FGGY: variants seen among roughly 807,000 people sequenced by gnomAD.
FGGY encodes the protein FGGY carbohydrate kinase domain containing, also known as FGGY carbohydrate kinase domain-containing protein.
Under a neutral mutation model 71.3 loss-of-function variants are expected in FGGY, and 72 were observed. The observed-to-expected ratio is 1.01, with a 90% CI of 0.84 to 1.23. The LOEUF (loss-of-function observed/expected upper bound fraction) is 1.23. FGGY is among the 50% of genes most tolerant of loss of function. The pLI is 0.00. For synonymous variants in FGGY, 251 were observed against 250.3 expected (o/e 1.00, Z -0.02); for missense variants, 668 against 682.3 (o/e 0.98, Z 0.23).
chr1:59,563,913 C>T lies in FGGY; in HGVS notation c.903+9686C>T, dbSNP rs562319415. Among the ~76,000 whole-genome samples, 8 of 152,288 alleles carry T rather than the reference C, an allele frequency of 5.3e-5. No individual in the cohort carries two copies. In the South Asian group the frequency reaches 1.5e-3, roughly 28 times the overall value. The stretch of plus-strand genomic sequence containing the variant: ...ACATCTACAACCATCTGATCATTGA[C>T]AAACCTGACAAAAACAAGGAATGGG... On this transcript the variant is annotated intron_variant, in intron 8 of 15. Transcript: ENST00000303721.
chr1:59,520,123 C>T (rs1336569370), intron 7 of FGGY, among the ~76,000 whole-genome samples: 2 of 152,180 alleles, frequency 1.3e-5, no homozygotes, highest in African/African-American at 2.4e-5. Flanking sequence ...GGTGAGAAAC[C>T]CTATTCTCTC....
intron 4 of FGGY, among the ~76,000 whole-genome samples, chr1:59,369,424 G>A (rs1156663067): frequency 6.6e-6 from 1 of 152,216 alleles, no homozygotes; most frequent in African/African-American, 2.4e-5. Flanking sequence ...TCAACTGGGT[G>A]GAGCCCACCA....
At chr1:59,720,207 A>G (rs866334192) in intron 14 of FGGY, among the ~76,000 whole-genome samples, 26 of 152,208 alleles carry the variant, frequency 1.7e-4, no homozygotes, top group Admixed American at 2.6e-4. Context: ...TAAGGGGCTC[A>G]TAGTGAACTC....
Position 59,713,360 on chromosome 1 carries a change from C to T in FGGY, c.1512+39227C>T, listed in dbSNP as rs982012013. Among the ~76,000 whole-genome samples the T allele has an allele frequency of 3.1e-4, 47 of 152,270 alleles. 1 individual carries two copies. The highest frequency in any genetic ancestry group is 2.7e-3 in the Admixed American group (42 of 15,288). ...TCTGCCTGTTACCCAGTTCCAAAGCCGCTTCCACATTTTTGGGTATCTTTT... is the reference window on the plus strand; with the variant it reads ...TCTGCCTGTTACCCAGTTCCAAAGCTGCTTCCACATTTTTGGGTATCTTTT... On this transcript the variant is annotated intron_variant, in intron 14 of 15. Transcript: ENST00000303721.
At chr1:59,646,244 C>T (rs891443445) in intron 11 of FGGY, among the ~76,000 whole-genome samples, 1 of 152,170 alleles carries the variant, frequency 6.6e-6, no homozygotes, top group Non-Finnish European at 1.5e-5. Context: ...TATTTATAAG[C>T]TTTGGAAACA....
chr1:59,745,528 G>A (rs905144192), intron 14 of FGGY, among the ~76,000 whole-genome samples: 14 of 152,194 alleles, frequency 9.2e-5, no homozygotes, highest in African/African-American at 3.1e-4. Context: ...AGCAGGCAGT[G>A]CAAATTTCAA....
intron 8 of FGGY, among the ~76,000 whole-genome samples, chr1:59,597,339 C>T (rs902712528): frequency 1.3e-5 from 2 of 152,146 alleles, no homozygotes; most frequent in African/African-American, 2.4e-5. Flanking sequence ...ATACAATATG[C>T]GGTAAACAGG....
intron 1 of FGGY, among the ~76,000 whole-genome samples, chr1:59,319,658 T>G (rs1193244965): frequency 6.6e-6 from 1 of 152,172 alleles, no homozygotes; most frequent in Non-Finnish European, 1.5e-5. Context: ...TGGGGCAGCC[T>G]TTAGCAGCTG....
At chr1:59,729,693 G>T (rs530512284) in intron 14 of FGGY, among the ~76,000 whole-genome samples, 1 of 152,128 alleles carries the variant, frequency 6.6e-6, no homozygotes, top group Non-Finnish European at 1.5e-5. Flanking sequence ...GGGTCATGTC[G>T]ATGTGGTTTT....
chr1:59,550,584 T>C (rs2095594212), intron 7 of FGGY, among the ~76,000 whole-genome samples: 1 of 152,154 alleles, frequency 6.6e-6, no homozygotes, highest in Non-Finnish European at 1.5e-5. Flanking sequence ...ACTGTGTATA[T>C]ACTGAGAATG....
intron 7 of FGGY, among the ~76,000 whole-genome samples, chr1:59,537,118 CTCCTT>C (rs2095339004): frequency 1.3e-5 from 2 of 150,858 alleles, no homozygotes; most frequent in Admixed American, 1.3e-4. Flanking sequence ...AGCCCAAAAT[CTCCTT>C]AAGCTGATAA....
chr1:59,628,916 A>G (rs2096883266), intron 10 of FGGY, among the ~76,000 whole-genome samples: 1 of 152,182 alleles, frequency 6.6e-6, no homozygotes, highest in South Asian at 2.1e-4. Context: ...AATAGTAAAC[A>G]TTTCATAAGG....
Position 59,355,231 on chromosome 1 carries a change from T to A in FGGY, c.465+8833T>A, listed in dbSNP as rs188136382. Among the ~76,000 whole-genome samples, 21 of 152,288 alleles carry A rather than the reference T, an allele frequency of 1.4e-4. No homozygotes were observed. The East Asian group carries it at 4.0e-3, about 29-fold the overall frequency. On this transcript the variant is annotated intron_variant, in intron 4 of 15. Coordinates refer to ENST00000303721, the MANE Select transcript of FGGY (RefSeq NM_018291.5). Reference sequence around the variant, plus strand: ...CAAACTTCATACTGTTTTTTTTTTATTATTATACTTTAAGTTTTAGGGTAC... The same window carrying A: ...CAAACTTCATACTGTTTTTTTTTTAATATTATACTTTAAGTTTTAGGGTAC...
At chr1:59,756,617 C>T (rs1194364389) in intron 14 of FGGY, among the ~76,000 whole-genome samples, 2 of 152,110 alleles carry the variant, frequency 1.3e-5, no homozygotes, top group African/African-American at 2.4e-5. Context: ...ATGCTTGGCA[C>T]GTGAAAGGGA....
At chr1:59,469,319 C>T (rs1002457547) in intron 6 of FGGY, among the ~76,000 whole-genome samples, 6 of 152,100 alleles carry the variant, frequency 3.9e-5, no homozygotes, top group African/African-American at 1.2e-4. Flanking sequence ...CCAAGGGTGC[C>T]GATAACTTCT....
At chr1:59,340,678 G>T (rs1264314107) in intron 3 of FGGY, among the ~76,000 whole-genome samples, 1 of 152,122 alleles carries the variant, frequency 6.6e-6, no homozygotes, top group South Asian at 2.1e-4. Flanking sequence ...AGCAGATAAG[G>T]TTGTCCCTTT....
chr1:59,626,307 C>G, intron 10 of FGGY: 1 of 376,646 alleles, frequency 2.7e-6, no homozygotes, highest in Admixed American at 4.4e-5. Context: ...GAAGAAGGAC[C>G]ATGGATTCTG....
rs1200247633 is a variant in FGGY, at chr1:59,409,594, TTTTTTATATATATA to T, written c.554+30759_554+30772del. 6.1e-5 allele frequency among the ~76,000 whole-genome samples: 8 copies of T among 132,162 alleles called. No individual in the cohort carries two copies. The South Asian group carries it at 8.8e-4, about 15-fold the overall frequency. 86.7% of individuals were successfully genotyped at this position (132,162 alleles called of 152,430 possible). A position where few individuals can be genotyped will look rare whatever the true frequency, so the allele number is the denominator to read the frequency against. Reference sequence around the variant, plus strand: ...TTATTGCAAGCCTGTGAAGGAAGAGTTTTTTATATATATATATATATATATATATAAACAGACAA... The same window carrying T: ...TTATTGCAAGCCTGTGAAGGAAGAGTTATATATATATATATAAACAGACAA... On this transcript the variant is annotated intron_variant, in intron 5 of 15. Coordinates refer to ENST00000303721, the MANE Select transcript of FGGY (RefSeq NM_018291.5).
intron 6 of FGGY, among the ~76,000 whole-genome samples, chr1:59,472,383 C>G (rs2092998807): frequency 6.6e-6 from 1 of 152,204 alleles, no homozygotes; most frequent in African/African-American, 2.4e-5. Context: ...CCGTGGGCTC[C>G]TGTGGGGCCC....
Sources: gnomAD v4.1 joint callset for allele counts (sites outside exome capture counted in the v4.1 genomes callset) on GRCh38, gnomAD v4.1.1 for gene constraint, MANE v1.5 for transcripts, NCBI Gene and HGNC (gene_info 2026-07-23, HGNC 2026-07-21) for gene names.